The following RAI14 variants were observed in gnomAD, a reference collection of about 807,000 sequenced individuals.
RAI14 encodes retinoic acid induced 14, also known as ankycorbin.
A neutral mutation model predicts 115.4 loss-of-function variants in RAI14; 45 were observed. That is an observed-to-expected ratio of 0.39 (90% confidence interval 0.31 to 0.50). The LOEUF (loss-of-function observed/expected upper bound fraction) is 0.50. Among genes scored for constraint, RAI14 ranks in the 20% least tolerant of loss-of-function variants. The pLI is 0.85. For missense variants in RAI14, 939 were observed against 1,131.2 expected, an observed-to-expected ratio of 0.83 and a Z score of 2.44; for synonymous variants, 371 against 415.4, an observed-to-expected ratio of 0.89 and a Z score of 1.30.
intron 1 of RAI14, among the ~76,000 whole-genome samples, chr5:34,675,512 G>A (rs28764835): frequency 0.16 from 23,601 of 152,192 alleles, 2,293 homozygotes; most frequent in South Asian, 0.48. Flanking sequence ...CAGCACTTTG[G>A]GAGGCACAGG....
intron 2 of RAI14, among the ~76,000 whole-genome samples, chr5:34,722,727 T>G (rs1177544569): frequency 6.6e-6 from 1 of 151,058 alleles, no homozygotes; most frequent in East Asian, 1.9e-4. Flanking sequence ...GCTCTTGTAA[T>G]TCCAGCTACT....
At chr5:34,799,939 G>A (rs547473590) in intron 4 of RAI14, among the ~76,000 whole-genome samples, 3 of 152,016 alleles carry the variant, frequency 2.0e-5, no homozygotes, top group South Asian at 4.2e-4. Flanking sequence ...CGCCTGCCTC[G>A]GCCTCCCAAA....
intron 2 of RAI14, among the ~76,000 whole-genome samples, chr5:34,707,164 T>G (rs1005091104): frequency 6.6e-6 from 1 of 152,172 alleles, no homozygotes; most frequent in Non-Finnish European, 1.5e-5. Flanking sequence ...GGTTTCCACA[T>G]GGGTGAAATA....
At chr5:34,705,033 A>T (rs1025959759) in intron 2 of RAI14, among the ~76,000 whole-genome samples, 2 of 152,096 alleles carry the variant, frequency 1.3e-5, no homozygotes, top group Non-Finnish European at 2.9e-5. Flanking sequence ...GGCCCAAGCA[A>T]TGCTCCCACC....
intron 3 of RAI14, among the ~76,000 whole-genome samples, chr5:34,782,276 C>CT (rs1166043322): frequency 1.4e-4 from 21 of 151,970 alleles, no homozygotes; most frequent in Non-Finnish European, 2.8e-4. Context: ...TCCCCCTTGT[C>CT]TTTTTTTCTT....
intron 2 of RAI14, among the ~76,000 whole-genome samples, chr5:34,731,532 C>T (rs752407205): frequency 5.9e-5 from 9 of 152,150 alleles, no homozygotes; most frequent in Non-Finnish European, 1.0e-4. Context: ...GGAAGTTTTG[C>T]ATTTTCCAGC....
At chr5:34,776,331 T>C (rs1750831001) in intron 3 of RAI14, among the ~76,000 whole-genome samples, 1 of 152,142 alleles carries the variant, frequency 6.6e-6, no homozygotes, top group Admixed American at 6.6e-5. Flanking sequence ...ATTAATAGAA[T>C]AAATAAGATC....
intron 6 of RAI14, 70 bp from the exon 7 acceptor site, chr5:34,808,514 A>T (rs1755186612): frequency 7.3e-7 from 1 of 1,367,414 alleles, no homozygotes; most frequent in Admixed American, 1.7e-5. Flanking sequence ...TTCCTTCCTG[A>T]AGTATCTGAT....
chr5:34,788,111 A>G (rs1447991249), intron 3 of RAI14, among the ~76,000 whole-genome samples: 1 of 151,446 alleles, frequency 6.6e-6, no homozygotes, highest in African/African-American at 2.4e-5. Context: ...TAAAGACAGG[A>G]TTTGGCCATA....
chr5:34,674,640 A>G (rs1220640374), intron 1 of RAI14, among the ~76,000 whole-genome samples: 3 of 147,622 alleles, frequency 2.0e-5, no homozygotes, highest in Admixed American at 6.7e-5. Flanking sequence ...GCTGGAGTAC[A>G]GTGGTGCGAT....
At chr5:34,695,944 A>C (rs1300141410) in intron 2 of RAI14, among the ~76,000 whole-genome samples, 1 of 151,954 alleles carries the variant, frequency 6.6e-6, no homozygotes, top group East Asian at 1.9e-4. Flanking sequence ...TGGCCTCCCA[A>C]ATAGCTAGGA....
chr5:34,812,402 A>T (rs1269389710), intron 10 of RAI14, among the ~76,000 whole-genome samples, 194 bp downstream of exon 10: 2 of 152,220 alleles, frequency 1.3e-5, no homozygotes, highest in African/African-American at 2.4e-5. Context: ...CCGGTGGCTC[A>T]CGCCTGTAAT....
chr5:34,714,728 C>T (rs1354408422), intron 2 of RAI14, among the ~76,000 whole-genome samples: 3 of 152,112 alleles, frequency 2.0e-5, no homozygotes. Flanking sequence ...AAAGTTTTAG[C>T]CCCAGGATTC....
chr5:34,807,693 A>T (rs1755092772), intron 5 of RAI14, 107 bp from the exon 6 acceptor site: 2 of 877,234 alleles, frequency 2.3e-6, no homozygotes, highest in Non-Finnish European at 3.8e-6. Context: ...TATTTATGTT[A>T]ATAGTCTTCC....
rs914300712 is a variant in RAI14, at chr5:34,803,697, A to G, written c.257-15A>G. On this transcript the variant is annotated splice_polypyrimidine_tract_variant and intron_variant, in intron 4 of 17. Transcript: ENST00000265109. ...CCTTTTTAAAAAAAATTATTATTTG[A>G]AAAAATCCATTTAGGACACAGCGCC... 6 of 1,587,210 alleles carry G rather than the reference A, an allele frequency of 3.8e-6. No individual in the cohort carries two copies. The African/African-American group carries it at 8.1e-5, about 21-fold the overall frequency.
intron 2 of RAI14, among the ~76,000 whole-genome samples, chr5:34,722,934 TAAAA>T (rs200328787): frequency 6.6e-6 from 1 of 150,764 alleles, no homozygotes; most frequent in Non-Finnish European, 1.5e-5. Context: ...ATAAATAAAT[TAAAA>T]AAAATACAAA....
At chr5:34,680,145 A>G (rs978356746) in intron 1 of RAI14, among the ~76,000 whole-genome samples, 2 of 152,226 alleles carry the variant, frequency 1.3e-5, no homozygotes, top group African/African-American at 4.8e-5. Flanking sequence ...ACTCACACCC[A>G]GGGTCCAAAG....
rs751680194 is a variant in RAI14 at position 34,686,916 on chromosome 5, A to G, written c.-4A>G. ...AGAGCTTTGGAAGGCTGAATGCACT[A>G]AACATGAAGAGCTTGAAAGCGAAGT... On this transcript the variant is annotated 5_prime_UTR_variant, in exon 2 of 18. An upstream open reading frame in the 5' UTR loses its in-frame stop. Transcript: ENST00000265109. 6.2e-7 allele frequency: 1 copy of G among 1,613,726 alleles called. No individual in the cohort carries two copies. Among genetic ancestry groups the G allele is most frequent in the Non-Finnish European group, 8.5e-7 (1 of 1,179,822 alleles).
intron 2 of RAI14, among the ~76,000 whole-genome samples, chr5:34,712,242 C>A (rs1741485640): frequency 6.6e-6 from 1 of 152,188 alleles, no homozygotes; most frequent in Non-Finnish European, 1.5e-5. Flanking sequence ...CATCACTAAT[C>A]AAATCACCTA....
Sources: allele counts gnomAD v4.1 joint callset (sites outside exome capture counted in the v4.1 genomes callset), GRCh38; gene constraint gnomAD v4.1.1; transcripts MANE v1.5; gene names NCBI Gene and HGNC (gene_info 2026-07-23, HGNC 2026-07-21).